Variants in AUTS2 observed in about 807,000 individuals in gnomAD.
The protein encoded by AUTS2 is autism susceptibility gene 2 protein.
In AUTS2, 17 loss-of-function variants were observed where a neutral mutation model predicts 112.4. That is an observed-to-expected ratio of 0.15 (90% confidence interval 0.10 to 0.23). AUTS2 has a LOEUF of 0.23. Among genes scored for constraint, AUTS2 ranks in the 10% least tolerant of loss-of-function variants. The pLI is 1.00. For synonymous variants in AUTS2, 751 were observed against 702.7 expected (o/e 1.07, Z -1.09); for missense variants, 1,510 against 1,701.6 (o/e 0.89, Z 1.98).
At chr7:69,659,615 C>T (rs1795701306) in intron 1 of AUTS2, among the ~76,000 whole-genome samples, 1 of 103,944 alleles carries the variant, frequency 9.6e-6, no homozygotes, top group Non-Finnish European at 1.8e-5. Context: ...GAGATGGCAT[C>T]TTGCTGTGGC....
rs551678358 is a variant in AUTS2, at chr7:70,503,005, C to T, written c.690+67224C>T. ...AAATACCAGTATCTATCACCATCAC[C>T]TTGACTCCTGAAAAACAGTCCCACA... On this transcript the variant is annotated intron_variant, in intron 5 of 18. Transcript: ENST00000342771. 5.3e-5 allele frequency among the ~76,000 whole-genome samples: 8 copies of T among 152,160 alleles called. No homozygotes were observed. In the East Asian group the frequency reaches 1.6e-3, roughly 29 times the overall value.
At position 70,121,602 on chromosome 7, in the gene AUTS2, G is replaced by A. The variant is rs544562450; in HGVS notation, c.624+3369G>A. 2.4e-4 allele frequency among the ~76,000 whole-genome samples: 36 copies of A among 152,230 alleles called. No homozygotes were observed. In the South Asian group the frequency reaches 7.5e-3, roughly 32 times the overall value. On this transcript the variant is annotated intron_variant, in intron 3 of 18. Coordinates refer to ENST00000342771, the MANE Select transcript of AUTS2 (RefSeq NM_015570.4). ...GAAAATCATTAGGTATTAGAGAAAT[G>A]CAAATTAAAACTGTAACGAGATTAT... is the stretch of plus-strand genomic sequence containing the variant.
At chr7:70,453,337 T>C (rs1796606603) in intron 5 of AUTS2, among the ~76,000 whole-genome samples, 1 of 152,266 alleles carries the variant, frequency 6.6e-6, no homozygotes, top group African/African-American at 2.4e-5. Flanking sequence ...GTATCTCTTA[T>C]GGTCAGAAGT....
intron 4 of AUTS2, 126 bp from the exon 5 acceptor site, chr7:70,435,626 A>G (rs1795859936): frequency 1.1e-6 from 1 of 908,412 alleles, no homozygotes; most frequent in Non-Finnish European, 1.8e-6. Context: ...TTCCAGGAAG[A>G]CAGCATTTTT....
intron 1 of AUTS2, among the ~76,000 whole-genome samples, chr7:69,664,323 A>G (rs1795933820): frequency 6.6e-6 from 1 of 152,234 alleles, no homozygotes; most frequent in Non-Finnish European, 1.5e-5. Context: ...GGAGCTTAGT[A>G]TGCATATTTT....
intron 4 of AUTS2, among the ~76,000 whole-genome samples, chr7:70,313,214 G>A (rs756360722): frequency 3.7e-4 from 56 of 152,320 alleles, no homozygotes; most frequent in Non-Finnish European, 7.2e-4. Context: ...CTTGATGGCA[G>A]TTTGACGAGG....
chr7:69,824,058 T>C (rs1368695063), intron 1 of AUTS2, among the ~76,000 whole-genome samples: 1 of 152,168 alleles, frequency 6.6e-6, no homozygotes, highest in South Asian at 2.1e-4. Context: ...TTTTGTGAGA[T>C]ATTGTGAGAT....
chr7:69,973,282 T>C (rs1797930506), intron 2 of AUTS2, among the ~76,000 whole-genome samples: 1 of 152,236 alleles, frequency 6.6e-6, no homozygotes, highest in South Asian at 2.1e-4. Flanking sequence ...GTTTTTTGTA[T>C]CCTGTAACCT....
intron 5 of AUTS2, among the ~76,000 whole-genome samples, chr7:70,533,328 G>A (rs1800173548): frequency 6.6e-6 from 1 of 152,082 alleles, no homozygotes; most frequent in Non-Finnish European, 1.5e-5. Context: ...TGCCCAGGCT[G>A]GTCTCAAACT....
At chr7:69,774,244 T>TA (rs1454630383) in intron 1 of AUTS2, among the ~76,000 whole-genome samples, 1 of 151,974 alleles carries the variant, frequency 6.6e-6, no homozygotes, top group Non-Finnish European at 1.5e-5. Context: ...CTCCGTCTCT[T>TA]AAAAAAAATT....
chr7:70,731,302 A>T (rs1787369113), intron 6 of AUTS2, among the ~76,000 whole-genome samples: 2 of 150,250 alleles, frequency 1.3e-5, no homozygotes, highest in African/African-American at 4.9e-5. Context: ...ATTCCAAATG[A>T]CGGTCAAGAA....
rs566473460 is a variant in AUTS2, at chr7:70,235,913, C to G, written c.660+101342C>G. 3.0e-4 allele frequency among the ~76,000 whole-genome samples: 45 copies of G among 152,300 alleles called. No homozygotes were observed. In the South Asian group the frequency reaches 6.0e-3, roughly 20 times the overall value. ...GACCTCGTGGTCCGCCCACCTTGGG[C>G]TCCCATCTACTCAGATGTCCTGTCT... On this transcript the variant is annotated intron_variant, in intron 4 of 18. Coordinates refer to ENST00000342771, the MANE Select transcript of AUTS2 (RefSeq NM_015570.4).
At chr7:69,921,598 C>T (rs1795815390) in intron 2 of AUTS2, among the ~76,000 whole-genome samples, 1 of 146,470 alleles carries the variant, frequency 6.8e-6, no homozygotes, top group Non-Finnish European at 1.5e-5. Flanking sequence ...TAAAACTCCC[C>T]ATCTCTACTA....
intron 1 of AUTS2, among the ~76,000 whole-genome samples, chr7:69,802,898 G>T (rs1481783231): frequency 6.6e-6 from 1 of 152,160 alleles, no homozygotes; most frequent in Non-Finnish European, 1.5e-5. Context: ...TACTGGTTCT[G>T]TTTATATTGA....
At chr7:69,688,274 T>C (rs1797149913) in intron 1 of AUTS2, among the ~76,000 whole-genome samples, 1 of 152,186 alleles carries the variant, frequency 6.6e-6, no homozygotes, top group African/African-American at 2.4e-5. Context: ...TGAATAATTA[T>C]CAGTGTGTGG....
chr7:70,380,324 A>ATTGT (rs58406680), intron 4 of AUTS2, among the ~76,000 whole-genome samples: 16,770 of 152,192 alleles, frequency 0.11, 1,637 homozygotes, highest in African/African-American at 0.26. Context: ...TGCAGGTAGA[A>ATTGT]TTGTTTAAGT....
At chr7:70,232,520 C>T (rs904827210) in intron 4 of AUTS2, among the ~76,000 whole-genome samples, 1 of 152,060 alleles carries the variant, frequency 6.6e-6, no homozygotes, top group Admixed American at 6.6e-5. Context: ...TCTCGAACCT[C>T]AGACTCCCCA....
intron 2 of AUTS2, among the ~76,000 whole-genome samples, chr7:70,041,281 T>C (rs1367718345): frequency 6.6e-6 from 1 of 152,224 alleles, no homozygotes; most frequent in Non-Finnish European, 1.5e-5. Flanking sequence ...CCATAAAATA[T>C]ACTAATTTTA....
intron 4 of AUTS2, among the ~76,000 whole-genome samples, chr7:70,358,643 C>T (rs1792117990): frequency 6.6e-6 from 1 of 152,214 alleles, no homozygotes; most frequent in African/African-American, 2.4e-5. Flanking sequence ...CCTTGGTGTG[C>T]ACCACATGGT....
Sources: gnomAD v4.1 joint callset for allele counts (sites outside exome capture counted in the v4.1 genomes callset) on GRCh38, gnomAD v4.1.1 for gene constraint, MANE v1.5 for transcripts, NCBI Gene and HGNC (gene_info 2026-07-23, HGNC 2026-07-21) for gene names.